The following TGFBRAP1 variants were observed in gnomAD, a reference collection of about 807,000 sequenced individuals.
TGFBRAP1 encodes transforming growth factor beta receptor associated protein 1, also known as transforming growth factor-beta receptor-associated protein 1.
In TGFBRAP1, 20 loss-of-function variants were observed where a neutral mutation model predicts 83.2. That is an observed-to-expected ratio of 0.24 (90% confidence interval 0.17 to 0.35). The LOEUF (loss-of-function observed/expected upper bound fraction) is 0.35. Among genes scored for constraint, TGFBRAP1 ranks in the 10% least tolerant of loss-of-function variants. TGFBRAP1 has a pLI of 1.00. For missense variants in TGFBRAP1, 950 were observed against 1,099.4 expected (o/e 0.86, Z 1.92); for synonymous variants, 415 against 459.8 (o/e 0.90, Z 1.25).
chr2:105,314,636 A>C (rs1573215334), intron 1 of TGFBRAP1, among the ~76,000 whole-genome samples: 1 of 152,152 alleles, frequency 6.6e-6, no homozygotes, highest in East Asian at 1.9e-4. Context: ...CAGTACCATA[A>C]AACAAGAATA....
intron 1 of TGFBRAP1, chr2:105,325,014 T>C (rs1679183457): frequency 6.6e-6 from 1 of 152,296 alleles, no homozygotes; most frequent in Admixed American, 6.5e-5. Flanking sequence ...GTGTTCTCTA[T>C]AAAACAGAAA....
chr2:105,261,766 C>CAGGCA (rs986265493), downstream of TGFBRAP1, among the ~76,000 whole-genome samples: 4 of 152,100 alleles, frequency 2.6e-5, no homozygotes, highest in East Asian at 1.9e-4. Context: ...AAGGACAGGA[C>CAGGCA]AGGCAAGGCA....
chr2:105,323,940 T>A (rs1436646998), intron 1 of TGFBRAP1, among the ~76,000 whole-genome samples: 2 of 152,098 alleles, frequency 1.3e-5, no homozygotes, highest in African/African-American at 4.8e-5. Flanking sequence ...GGAGTTTAGA[T>A]AAATCCAAAC....
chr2:105,322,020 TATC>T (rs747731094), intron 1 of TGFBRAP1, among the ~76,000 whole-genome samples: 3 of 152,164 alleles, frequency 2.0e-5, no homozygotes, highest in Non-Finnish European at 4.4e-5. Flanking sequence ...AAGAAATTGT[TATC>T]ACAGACAACA....
the TGFBRAP1 span, among the ~76,000 whole-genome samples, chr2:105,258,730 T>TACACACACACACACACACAC: frequency 2.1e-5 from 3 of 140,516 alleles, no homozygotes; most frequent in African/African-American, 8.3e-5. Context: ...TCCCCACCCC[T>TACACACACACACACACACAC]ACACACACAC....
At position 105,267,135 on chromosome 2, in the gene TGFBRAP1, T is replaced by C. The variant is rs529751973; in HGVS notation, c.*248A>G. ...CTATGTACCTGGACAGGTGAACTCT[T>C]GTATGTTTCTGTTTTGGGGATTTTT... On this transcript the variant is annotated 3_prime_UTR_variant, in exon 12 of 12. Coordinates refer to ENST00000393359, the MANE Select transcript of TGFBRAP1 (RefSeq NM_004257.6). 53 of 517,162 alleles carry C rather than the reference T, an allele frequency of 1.0e-4. 2 individuals carry two copies. In the South Asian group the frequency reaches 1.5e-3, roughly 14 times the overall value. 32.0% of individuals were successfully genotyped at this position (517,162 alleles called of 1,614,324 possible).
rs149636424 is a variant in TGFBRAP1 at position 105,319,939 on chromosome 2, A to C, written c.-18+9686T>G. 6.1e-3 allele frequency among the ~76,000 whole-genome samples: 927 copies of C among 151,892 alleles called. 14 individuals carry two copies. The highest frequency in any genetic ancestry group is 0.021 in the African/African-American group (883 of 41,424). On this transcript the variant is annotated intron_variant, in intron 1 of 11. Transcript: ENST00000393359. The stretch of plus-strand genomic sequence containing the variant: ...ACATACATACATGTTATATACACAC[A>C]TACATACACACACACACACAATAGG...
chr2:105,299,682 C>G (rs186843981), intron 2 of TGFBRAP1, among the ~76,000 whole-genome samples: 1 of 151,798 alleles, frequency 6.6e-6, no homozygotes, highest in East Asian at 2.0e-4. Flanking sequence ...ATTGCTTGAG[C>G]CCAGAAGTTC....
the TGFBRAP1 span, among the ~76,000 whole-genome samples, chr2:105,252,178 G>C: frequency 6.6e-6 from 1 of 152,110 alleles, no homozygotes; most frequent in Non-Finnish European, 1.5e-5. Context: ...TACTGCTGCC[G>C]TATTTCCTCC....
intron 1 of TGFBRAP1, among the ~76,000 whole-genome samples, chr2:105,313,702 C>T (rs1678762872): frequency 6.6e-6 from 1 of 151,918 alleles, no homozygotes; most frequent in Non-Finnish European, 1.5e-5. Flanking sequence ...ACGAAATCCA[C>T]AAATATATAT....
At chr2:105,314,541 C>T (rs959815803) in intron 1 of TGFBRAP1, among the ~76,000 whole-genome samples, 15 of 151,908 alleles carry the variant, frequency 9.9e-5, no homozygotes, top group Admixed American at 2.6e-4. Context: ...TGAGCCACCG[C>T]GCCCAGCCAC....
chr2:105,314,794 C>CA (rs1341143692), intron 1 of TGFBRAP1, among the ~76,000 whole-genome samples: 2 of 150,848 alleles, frequency 1.3e-5, no homozygotes, highest in Non-Finnish European at 3.0e-5. Flanking sequence ...ACTAAAAATA[C>CA]AAAAAATTAG....
chr2:105,322,522 T>A (rs1679097333), intron 1 of TGFBRAP1, among the ~76,000 whole-genome samples: 2 of 152,176 alleles, frequency 1.3e-5, no homozygotes, highest in Admixed American at 1.3e-4. Flanking sequence ...AGGTGGACCC[T>A]TTTTTTAGTA....
chr2:105,269,604 C>A lies in TGFBRAP1; in HGVS notation c.2074G>T (p.Asp692Tyr). ...ALHILVHELQ[D>Y]FAAAEDYCLW... Reference sequence around the variant, plus strand: ...CAGTAGTCCTCGGCCGCTGCAAAGTCCTGCAGCTCGTGCACCAGGATATGC... The same window carrying A: ...CAGTAGTCCTCGGCCGCTGCAAAGTACTGCAGCTCGTGCACCAGGATATGC... The change falls in exon 11 of 12, where the codon GAC becomes TAC. Residue 692 changes from aspartate (D) to tyrosine (Y), a missense_variant. By Grantham distance (160) the Asp-to-Tyr change is radical. Transcript: ENST00000393359. This position sits in a 1 kb window ranked among gnomAD's most constrained non-coding sequence, Gnocchi z 4.1. The A allele has an allele frequency of 1.9e-6, 3 of 1,608,992 alleles. No individual in the cohort carries two copies. Among genetic ancestry groups the A allele is most frequent in the Non-Finnish European group, 2.5e-6 (3 of 1,176,934 alleles).
the TGFBRAP1 span, chr2:105,249,555 A>G: frequency 2.0e-5 from 3 of 152,212 alleles, no homozygotes; most frequent in African/African-American, 7.2e-5. Flanking sequence ...GGTAAGGAAA[A>G]AAAGGCACCA....
chr2:105,329,601 C>G (rs1440248679), intron 1 of TGFBRAP1, 24 bp downstream of exon 1: 2 of 148,246 alleles, frequency 1.3e-5, no homozygotes, highest in African/African-American at 4.9e-5. Context: ...CCGCACCCCG[C>G]GCCCCGCCGC....
chr2:105,251,712 G>A, the TGFBRAP1 span, among the ~76,000 whole-genome samples: 1 of 152,132 alleles, frequency 6.6e-6, no homozygotes, highest in African/African-American at 2.4e-5. Flanking sequence ...GGGGGGAAAG[G>A]TGGGGAAAAG....
intron 1 of TGFBRAP1, among the ~76,000 whole-genome samples, chr2:105,312,473 T>C (rs1007223637): frequency 6.6e-6 from 1 of 152,178 alleles, no homozygotes; most frequent in Non-Finnish European, 1.5e-5. Flanking sequence ...TAAGCTAACC[T>C]TGCATATGCA....
At chr2:105,316,462 T>TGTGTGTGTGTGTGCGCGC (rs1177329674) in intron 1 of TGFBRAP1, among the ~76,000 whole-genome samples, 7 of 84,808 alleles carry the variant, frequency 8.3e-5, no homozygotes, top group African/African-American at 3.8e-4. Context: ...TGTGTGTGTG[T>TGTGTGTGTGTGTGCGCGC]GCGCGCGCGC....
Sources: allele counts gnomAD v4.1 joint callset (sites outside exome capture counted in the v4.1 genomes callset), GRCh38; gene constraint gnomAD v4.1.1; non-coding constraint Gnocchi (gnomAD v3.1); transcripts MANE v1.5; gene names NCBI Gene and HGNC (gene_info 2026-07-23, HGNC 2026-07-21).